RAB6A: variants seen among roughly 807,000 people sequenced by gnomAD.
The protein encoded by RAB6A is RAB6A, member RAS oncogene family.
Under a neutral mutation model 32.3 loss-of-function variants are expected in RAB6A, and 8 were observed. That is an observed-to-expected ratio of 0.25 (90% CI 0.15 to 0.45). The LOEUF is 0.45. Among genes scored for constraint, RAB6A ranks in the 20% least tolerant of loss-of-function variants. The pLI, the probability that RAB6A is intolerant of heterozygous loss-of-function variation, is 1.00. For synonymous variants in RAB6A, 73 were observed against 82.1 expected, an observed-to-expected ratio of 0.89 and a Z score of 0.60; for missense variants, 104 against 249.4, an observed-to-expected ratio of 0.42 and a Z score of 3.93.
At chr11:73,718,959 T>C (rs1471464341) in intron 3 of RAB6A, 7 of 1,402,666 alleles carry the variant, frequency 5.0e-6, no homozygotes, top group Non-Finnish European at 6.8e-6. Context: ...AAAGAAACAA[T>C]GTTTTTTGTA....
chr11:73,724,550 A>G (rs1285819084), intron 2 of RAB6A, among the ~76,000 whole-genome samples: 1 of 149,722 alleles, frequency 6.7e-6, no homozygotes, highest in African/African-American at 2.5e-5. Context: ...CAGTGGCTCA[A>G]TCTCAGCTCA....
At chr11:73,736,139 C>T (rs181803719) in intron 1 of RAB6A, among the ~76,000 whole-genome samples, 115 of 152,012 alleles carry the variant, frequency 7.6e-4, no homozygotes, top group African/African-American at 2.7e-3. Flanking sequence ...AGAAATTCAC[C>T]GTTTTAAGGC....
chr11:73,725,673 C>G (rs1946206013), intron 2 of RAB6A, among the ~76,000 whole-genome samples: 1 of 152,104 alleles, frequency 6.6e-6, no homozygotes, highest in African/African-American at 2.4e-5. Flanking sequence ...CCCAATGATT[C>G]AATTATCTTC....
rs557786785 is a variant in RAB6A at position 73,687,487 on chromosome 11, G to A, written c.496-7767C>T. Among the ~76,000 whole-genome samples the A allele has an allele frequency of 2.0e-5, 3 of 152,256 alleles. No homozygotes were observed. The South Asian group carries it at 6.2e-4, about 32-fold the overall frequency. Reference sequence around the variant, plus strand: ...GTGTGAGCCACTGTGCCCAGCTCAAGAGAGGCACTCGCTAAATATTTTCTG... The same window carrying A: ...GTGTGAGCCACTGTGCCCAGCTCAAAAGAGGCACTCGCTAAATATTTTCTG... On this transcript the variant is annotated intron_variant, in intron 6 of 7. Transcript: ENST00000336083.
chr11:73,727,229 T>A (rs1946236273), intron 2 of RAB6A, among the ~76,000 whole-genome samples: 1 of 151,832 alleles, frequency 6.6e-6, no homozygotes, highest in African/African-American at 2.4e-5. Flanking sequence ...AGTACAAGAC[T>A]TAGGCAAGAT....
At chr11:73,749,640 T>C (rs999656690) in intron 1 of RAB6A, among the ~76,000 whole-genome samples, 2 of 152,202 alleles carry the variant, frequency 1.3e-5, no homozygotes, top group East Asian at 1.9e-4. Context: ...GGCCAGAGCA[T>C]TGCTCAAGGC....
At chr11:73,742,718 G>A (rs965121430) in intron 1 of RAB6A, among the ~76,000 whole-genome samples, 2 of 152,288 alleles carry the variant, frequency 1.3e-5, no homozygotes, top group African/African-American at 2.4e-5. Context: ...GCTGAGGCAG[G>A]AGAATCGCTT....
At chr11:73,701,861 A>C (rs1206583928) in intron 6 of RAB6A, among the ~76,000 whole-genome samples, 2 of 152,012 alleles carry the variant, frequency 1.3e-5, no homozygotes, top group Non-Finnish European at 2.9e-5. Flanking sequence ...AGCAGGTCTC[A>C]ATTGCTGGGC....
At chr11:73,707,017 C>G (rs1945856596) in intron 6 of RAB6A, among the ~76,000 whole-genome samples, 1 of 151,544 alleles carries the variant, frequency 6.6e-6, no homozygotes, top group African/African-American at 2.4e-5. Context: ...ACCCGAGAGG[C>G]TGAGGCAGGA....
At chr11:73,722,335 ATATATATATTTTTTTTTTTTT>A (rs1270970185) in intron 2 of RAB6A, 17 of 11,114 alleles carry the variant, frequency 1.5e-3, no homozygotes, top group African/African-American at 4.9e-3. Flanking sequence ...ATATATATAT[ATATATATATTTTTTTTTTTTT>A]TTTTTTTTTT....
intron 6 of RAB6A, among the ~76,000 whole-genome samples, chr11:73,697,247 TC>T (rs1945668602): frequency 1.3e-5 from 2 of 152,178 alleles, no homozygotes; most frequent in Admixed American, 6.5e-5. Flanking sequence ...AGGCTTTCCC[TC>T]CTTTTATAAG....
chr11:73,731,729 TATAC>T (rs1225296915), intron 1 of RAB6A, among the ~76,000 whole-genome samples: 26 of 7,544 alleles, frequency 3.4e-3, no homozygotes, highest in African/African-American at 9.1e-3. Flanking sequence ...TATATATATA[TATAC>T]ACACACACAC....
intron 6 of RAB6A, among the ~76,000 whole-genome samples, chr11:73,694,069 CT>C (rs922859026): frequency 6.6e-6 from 1 of 152,160 alleles, no homozygotes; most frequent in Non-Finnish European, 1.5e-5. Context: ...ACAAACAAAA[CT>C]CCAGATGCTT....
rs1325048616 is a variant in RAB6A, at chr11:73,749,917, T to C, written c.70+10649A>G. 2.0e-5 allele frequency among the ~76,000 whole-genome samples: 3 copies of C among 152,156 alleles called. No individual in the cohort carries two copies. In the East Asian group the frequency reaches 5.8e-4, roughly 29 times the overall value. On this transcript the variant is annotated intron_variant, in intron 1 of 7. Coordinates refer to ENST00000336083, the MANE Select transcript of RAB6A (RefSeq NM_198896.2). ...GTCATATGCCTGTAGTCCCAGCTAC[T>C]CAGGAGGCTGAGGCAGGAGAATCAC... is the stretch of plus-strand genomic sequence containing the variant.
At chr11:73,734,556 G>C (rs1186027919) in intron 1 of RAB6A, among the ~76,000 whole-genome samples, 1 of 152,198 alleles carries the variant, frequency 6.6e-6, no homozygotes, top group African/African-American at 2.4e-5. Context: ...GTGGGAGTTG[G>C]GGAGGAGGAA....
intron 4 of RAB6A, among the ~76,000 whole-genome samples, chr11:73,717,618 AT>A (rs1323954562): frequency 6.6e-6 from 1 of 152,126 alleles, no homozygotes; most frequent in Non-Finnish European, 1.5e-5. Context: ...CTAATTTTGC[AT>A]TTTTAGTAGA....
At chr11:73,732,935 CCCGAGTAT>C (rs1334285365) in intron 1 of RAB6A, among the ~76,000 whole-genome samples, 1 of 152,008 alleles carries the variant, frequency 6.6e-6, no homozygotes, top group African/African-American at 2.4e-5. Context: ...GTCTCAGCCT[CCCGAGTAT>C]CTGAGATTAC....
At chr11:73,689,386 A>T (rs1174320012) in intron 6 of RAB6A, among the ~76,000 whole-genome samples, 1 of 152,154 alleles carries the variant, frequency 6.6e-6, no homozygotes, top group African/African-American at 2.4e-5. Context: ...TCATGTTGCC[A>T]TTGATCTGAC....
chr11:73,736,820 A>AAC (rs1463987872), intron 1 of RAB6A, among the ~76,000 whole-genome samples: 4 of 144,678 alleles, frequency 2.8e-5, no homozygotes, highest in African/African-American at 5.2e-5. Context: ...AAAAAAAAAA[A>AAC]AAAAAACAAT....
Sources: gnomAD v4.1 joint callset for allele counts (sites outside exome capture counted in the v4.1 genomes callset) on GRCh38, gnomAD v4.1.1 for gene constraint, MANE v1.5 for transcripts, NCBI Gene and HGNC (gene_info 2026-07-23, HGNC 2026-07-21) for gene names.